The following HMBOX1 variants were observed in gnomAD, a reference collection of about 807,000 sequenced individuals.
HMBOX1 encodes the protein homeobox containing 1.
HMBOX1 carries 14 observed loss-of-function variants against 54.5 expected under a neutral mutation model. The observed-to-expected ratio is 0.26, with a 90% CI of 0.17 to 0.40. The LOEUF is 0.40. HMBOX1 is among the 10% of genes least tolerant of loss of function. HMBOX1 has a pLI of 1.00. For synonymous variants in HMBOX1, 160 were observed against 181.0 expected, an observed-to-expected ratio of 0.88 and a Z score of 0.93; for missense variants, 332 against 514.4, an observed-to-expected ratio of 0.65 and a Z score of 3.43.
At chr8:29,024,894 T>G (rs1801778544) in intron 6 of HMBOX1, among the ~76,000 whole-genome samples, 1 of 152,180 alleles carries the variant, frequency 6.6e-6, no homozygotes, top group Non-Finnish European at 1.5e-5. Flanking sequence ...CCACCTGCTG[T>G]GAGATCAGCA....
At chr8:29,008,989 C>T (rs1833852304) in intron 4 of HMBOX1, 83 bp from the exon 5 acceptor site, 1 of 1,039,244 alleles carries the variant, frequency 9.6e-7, no homozygotes, top group Non-Finnish European at 1.5e-6. Flanking sequence ...AATAAAGCAC[C>T]CAGTAACCTA....
rs539295950 is a variant in HMBOX1 at position 28,965,577 on chromosome 8, C to T, written c.23+1687C>T. ...GGCTAAAGGTGGAGGTGTACCTTTA[C>T]ATGAGCAGTTCTTGGGAGAGGCTGG... On this transcript the variant is annotated intron_variant, in intron 2 of 9. Transcript: ENST00000287701. Among the ~76,000 whole-genome samples, 115 of 152,288 alleles carry T rather than the reference C, an allele frequency of 7.6e-4. 1 individual carries two copies. In the South Asian group the frequency reaches 0.015, roughly 20 times the overall value.
At chr8:29,049,553 T>G in intron 9 of HMBOX1, 1 of 1,086,528 alleles carries the variant, frequency 9.2e-7, no homozygotes, top group Non-Finnish European at 1.3e-6. Flanking sequence ...GAGTGGTTCT[T>G]CCAGAGTCTC....
chr8:28,973,765 C>T (rs17059589), intron 3 of HMBOX1, among the ~76,000 whole-genome samples: 22,127 of 146,992 alleles, frequency 0.15, 1,958 homozygotes, highest in East Asian at 0.43. Context: ...GTTGACTTCA[C>T]GAACTTCACT....
chr8:28,961,008 A>G (rs1825498731), intron 1 of HMBOX1, among the ~76,000 whole-genome samples: 1 of 151,342 alleles, frequency 6.6e-6, no homozygotes, highest in African/African-American at 2.4e-5. Flanking sequence ...GATGGTCTCG[A>G]TCTCTTGACC....
chr8:28,975,674 A>G (rs1828242361), intron 3 of HMBOX1, among the ~76,000 whole-genome samples: 1 of 152,196 alleles, frequency 6.6e-6, no homozygotes, highest in Non-Finnish European at 1.5e-5. Context: ...TAAGCTGTGG[A>G]ATCAAAGACA....
At chr8:28,980,201 T>C in intron 4 of HMBOX1, 45 bp downstream of exon 4, 1 of 1,322,404 alleles carries the variant, frequency 7.6e-7, no homozygotes, top group South Asian at 1.2e-5. Context: ...GTGTAGTCTC[T>C]GCCTTCTGGT....
At chr8:28,988,724 A>G (rs570468737) in intron 4 of HMBOX1, among the ~76,000 whole-genome samples, 5 of 152,104 alleles carry the variant, frequency 3.3e-5, no homozygotes, top group Admixed American at 2.6e-4. Flanking sequence ...TTATTCATGT[A>G]TCTTCTTGGG....
intron 1 of HMBOX1, among the ~76,000 whole-genome samples, chr8:28,937,556 G>C (rs931152466): frequency 6.6e-6 from 1 of 152,136 alleles, no homozygotes; most frequent in African/African-American, 2.4e-5. Context: ...AGTATTCTTA[G>C]TACCTACTGG....
intron 4 of HMBOX1, among the ~76,000 whole-genome samples, chr8:28,983,964 G>T (rs1340159756): frequency 1.3e-5 from 2 of 152,134 alleles, no homozygotes; most frequent in African/African-American, 2.4e-5. Context: ...TACCCAGACT[G>T]CCCAGCCATC....
intron 4 of HMBOX1, among the ~76,000 whole-genome samples, chr8:29,006,400 G>A (rs943786727): frequency 7.9e-5 from 12 of 152,224 alleles, no homozygotes; most frequent in African/African-American, 2.9e-4. Context: ...TATTGAGCAG[G>A]TGCACATTTC....
intron 1 of HMBOX1, among the ~76,000 whole-genome samples, chr8:28,927,376 A>G (rs1818709190): frequency 1.3e-5 from 2 of 152,188 alleles, no homozygotes; most frequent in South Asian, 4.1e-4. Context: ...GTAATTTACA[A>G]AGAAGAGAGG....
At chr8:28,917,409 T>A (rs964884404) in intron 1 of HMBOX1, among the ~76,000 whole-genome samples, 1 of 152,224 alleles carries the variant, frequency 6.6e-6, no homozygotes, top group Non-Finnish European at 1.5e-5. Context: ...TCCTTGTATC[T>A]TATAGCCTTG....
chr8:28,995,068 A>G (rs147990656), intron 4 of HMBOX1, among the ~76,000 whole-genome samples: 80 of 152,314 alleles, frequency 5.3e-4, no homozygotes, highest in Non-Finnish European at 9.3e-4. Flanking sequence ...ACCAAGTCAA[A>G]TAAGAATTCT....
At chr8:28,915,057 T>A (rs1163964934) in intron 1 of HMBOX1, among the ~76,000 whole-genome samples, 1 of 152,210 alleles carries the variant, frequency 6.6e-6, no homozygotes, top group Non-Finnish European at 1.5e-5. Flanking sequence ...GTAAGACTTC[T>A]GGCAAAAATT....
chr8:29,023,714 C>A (rs534373024), intron 6 of HMBOX1, among the ~76,000 whole-genome samples: 1 of 152,062 alleles, frequency 6.6e-6, no homozygotes, highest in Admixed American at 6.5e-5. Flanking sequence ...ATTTTAGTAA[C>A]CATAAGATTG....
At chr8:28,977,305 A>G (rs941469615) in intron 3 of HMBOX1, among the ~76,000 whole-genome samples, 1 of 152,254 alleles carries the variant, frequency 6.6e-6, no homozygotes, top group Non-Finnish European at 1.5e-5. Context: ...CCACAAAAGT[A>G]CATTCTTTTA....
chr8:28,952,612 A>G (rs962435057), intron 1 of HMBOX1, among the ~76,000 whole-genome samples: 2 of 152,170 alleles, frequency 1.3e-5, no homozygotes, highest in African/African-American at 4.8e-5. Flanking sequence ...TGGAAAAAAA[A>G]AATTTAATCT....
At chr8:28,917,580 T>C (rs1002977136) in intron 1 of HMBOX1, among the ~76,000 whole-genome samples, 9 of 152,142 alleles carry the variant, frequency 5.9e-5, no homozygotes, top group African/African-American at 2.2e-4. Context: ...ACTTTTGGTA[T>C]GATACTGAAT....
Sources: allele counts gnomAD v4.1 joint callset (sites outside exome capture counted in the v4.1 genomes callset), GRCh38; gene constraint gnomAD v4.1.1; transcripts MANE v1.5; gene names NCBI Gene and HGNC (gene_info 2026-07-23, HGNC 2026-07-21).